Variants in GAB2 observed in about 807,000 individuals in gnomAD.
GAB2 encodes GRB2 associated binding protein 2.
Under a neutral mutation model 65.5 loss-of-function variants are expected in GAB2, and 26 were observed. The observed-to-expected ratio is 0.40, with a 90% CI of 0.29 to 0.55. The LOEUF (loss-of-function observed/expected upper bound fraction) is 0.55, where lower values mean the gene tolerates loss of function less well. GAB2 is among the 20% of genes least tolerant of loss of function. The pLI is 0.53. For missense variants in GAB2, 884 were observed against 875.8 expected (o/e 1.01, Z -0.12); for synonymous variants, 321 against 329.6 (o/e 0.97, Z 0.28).
intron 1 of GAB2, among the ~76,000 whole-genome samples, chr11:78,325,404 G>A (rs559373378): frequency 2.0e-5 from 3 of 152,166 alleles, no homozygotes; most frequent in Non-Finnish European, 4.4e-5. Flanking sequence ...GAATTAATTA[G>A]TGGCAGAGCT....
chr11:78,280,352 C>A, intron 2 of GAB2: 3 of 517,366 alleles, frequency 5.8e-6, no homozygotes, highest in Non-Finnish European at 1.0e-5. Context: ...GGTGTTGAGG[C>A]ACCTAAGGAA....
intron 6 of GAB2, 106 bp downstream of exon 6, chr11:78,223,306 G>T: frequency 1.2e-6 from 1 of 865,058 alleles, no homozygotes; most frequent in East Asian, 2.8e-5. Context: ...TACATGATTT[G>T]CCCCAAGTCA....
At chr11:78,242,224 C>T (rs543869368) in intron 3 of GAB2, among the ~76,000 whole-genome samples, 45 of 152,246 alleles carry the variant, frequency 3.0e-4, no homozygotes, top group African/African-American at 9.6e-4. Flanking sequence ...AATTTAGAGC[C>T]GGGTGTGGTG....
At chr11:78,251,414 G>A (rs1426142778) in intron 2 of GAB2, among the ~76,000 whole-genome samples, 1 of 152,136 alleles carries the variant, frequency 6.6e-6, no homozygotes, top group Non-Finnish European at 1.5e-5. Context: ...TAGTAAGTGA[G>A]GTATTAAGGA....
chr11:78,310,647 AG>A (rs1248243209), intron 1 of GAB2, among the ~76,000 whole-genome samples: 1 of 152,218 alleles, frequency 6.6e-6, no homozygotes, highest in Non-Finnish European at 1.5e-5. Context: ...CACAGTGAAA[AG>A]GGTTATTAAT....
rs772391418 is a variant in GAB2, at chr11:78,222,096, C to T, written c.1658+9G>A. The T allele has an allele frequency of 1.8e-5, 28 of 1,578,296 alleles. No homozygotes were observed. The highest frequency in any genetic ancestry group is 1.7e-4 in the South Asian group (15 of 90,374). The stretch of plus-strand genomic sequence containing the variant: ...CTCCAAGCTCCCACCCCCACACATA[C>T]GCACTTACTTGGCCCTAGACCAAGA... On this transcript the variant is annotated intron_variant, in intron 7 of 9. Transcript: ENST00000361507.
chr11:78,357,798 G>C (rs940703483), intron 1 of GAB2, among the ~76,000 whole-genome samples: 4 of 152,206 alleles, frequency 2.6e-5, no homozygotes, highest in Admixed American at 1.3e-4. Flanking sequence ...GGAAACAACA[G>C]GTGCTGGAGA....
chr11:78,399,558 G>T (rs1165602608), intron 1 of GAB2, among the ~76,000 whole-genome samples: 1 of 152,184 alleles, frequency 6.6e-6, no homozygotes, highest in Non-Finnish European at 1.5e-5. Context: ...CATGAGACTG[G>T]CAGATCCTTG....
intron 1 of GAB2, among the ~76,000 whole-genome samples, chr11:78,366,585 CA>C (rs33997665): frequency 5.2e-4 from 17 of 32,948 alleles, no homozygotes; most frequent in African/African-American, 2.3e-3. Context: ...GACTCCATCT[CA>C]AAAAAAAAAA....
At chr11:78,320,521 A>G (rs148965398) in intron 1 of GAB2, among the ~76,000 whole-genome samples, 95 of 152,276 alleles carry the variant, frequency 6.2e-4, no homozygotes, top group African/African-American at 2.2e-3. Context: ...TATGTTCTAG[A>G]AAGATCACTC....
rs573580364 is a variant in GAB2 at position 78,279,805 on chromosome 11, T to C, written c.376+796A>G. Reference sequence around the variant, plus strand: ...GTATATACCATATTTGATTTATTGATGGATATTTGGGTTGTTTCCACTTTT... The same window carrying C: ...GTATATACCATATTTGATTTATTGACGGATATTTGGGTTGTTTCCACTTTT... On this transcript the variant is annotated intron_variant, in intron 2 of 9. Coordinates refer to ENST00000361507, the MANE Select transcript of GAB2 (RefSeq NM_080491.3). Among the ~76,000 whole-genome samples, 4 of 152,366 alleles carry C rather than the reference T, an allele frequency of 2.6e-5. No individual in the cohort carries two copies. The East Asian group carries it at 7.7e-4, about 29-fold the overall frequency.
rs372705095 is a variant in GAB2, at chr11:78,398,631, T to C, written c.75+19015A>G. 1.4e-4 allele frequency among the ~76,000 whole-genome samples: 22 copies of C among 152,166 alleles called. No homozygotes were observed. In the East Asian group the frequency reaches 2.5e-3, roughly 17 times the overall value. On this transcript the variant is annotated intron_variant, in intron 1 of 9. Transcript: ENST00000361507. ...ATATAAGTGAAAAAATTCACAATGT[T>C]ATAATAAAAAAAATAAAGTGATAAC...
intron 1 of GAB2, among the ~76,000 whole-genome samples, chr11:78,346,446 CAGA>C (rs1856179982): frequency 6.6e-6 from 1 of 151,820 alleles, no homozygotes; most frequent in Admixed American, 6.6e-5. Flanking sequence ...TCCCATTTTA[CAGA>C]ATAGGAAATC....
In GAB2 at chr11:78,250,142, G is replaced by A; in HGVS notation, c.620+15C>T. ...GCGGTCACTAACCCACCTAATGGCT[G>A]TGGCAGCCTCCTACCTTGCATTTTC... On this transcript the variant is annotated intron_variant, in intron 3 of 9. Coordinates refer to ENST00000361507, the MANE Select transcript of GAB2 (RefSeq NM_080491.3). 6.2e-7 allele frequency: 1 copy of A among 1,611,702 alleles called. No individual in the cohort carries two copies. The highest frequency in any genetic ancestry group is 8.5e-7 in the Non-Finnish European group (1 of 1,179,662).
chr11:78,248,240 G>T lies in GAB2; in HGVS notation c.620+1917C>A, dbSNP rs964248173. 5.9e-5 allele frequency among the ~76,000 whole-genome samples: 9 copies of T among 152,182 alleles called. No homozygotes were observed. In the East Asian group the frequency reaches 1.5e-3, roughly 26 times the overall value. On this transcript the variant is annotated intron_variant, in intron 3 of 9. Transcript: ENST00000361507. ...TAGGGATTTCACAGAGGAGGTAGGGGTGCAGAGAGTGGGCCCTAAAGGCTA... is the reference window on the plus strand; with the variant it reads ...TAGGGATTTCACAGAGGAGGTAGGGTTGCAGAGAGTGGGCCCTAAAGGCTA...
chr11:78,324,130 T>C (rs1855780669), intron 1 of GAB2, among the ~76,000 whole-genome samples: 1 of 151,984 alleles, frequency 6.6e-6, no homozygotes, highest in Non-Finnish European at 1.5e-5. Flanking sequence ...AAGAGGCATG[T>C]TCTTAAAATG....
At chr11:78,244,972 A>G (rs1865256631) in intron 3 of GAB2, among the ~76,000 whole-genome samples, 1 of 152,238 alleles carries the variant, frequency 6.6e-6, no homozygotes, top group Non-Finnish European at 1.5e-5. Context: ...TATGTTAAAG[A>G]GCTATTTGCA....
intron 1 of GAB2, among the ~76,000 whole-genome samples, chr11:78,353,062 C>T (rs1856304027): frequency 6.6e-6 from 1 of 152,126 alleles, no homozygotes; most frequent in African/African-American, 2.4e-5. Flanking sequence ...AAAGTGGTCC[C>T]CATACCAGCA....
At chr11:78,379,976 T>C (rs1856677302) in intron 1 of GAB2, among the ~76,000 whole-genome samples, 1 of 152,234 alleles carries the variant, frequency 6.6e-6, no homozygotes, top group African/African-American at 2.4e-5. Context: ...AGGGCAGTTA[T>C]TATGTAGGCA....
Sources: gnomAD v4.1 joint callset for allele counts (sites outside exome capture counted in the v4.1 genomes callset) on GRCh38, gnomAD v4.1.1 for gene constraint, MANE v1.5 for transcripts, NCBI Gene and HGNC (gene_info 2026-07-23, HGNC 2026-07-21) for gene names.